The following CNTN1 variants were observed in gnomAD, a reference collection of about 807,000 sequenced individuals.
The protein encoded by CNTN1 is contactin-1.
In CNTN1, 38 loss-of-function variants were observed where a neutral mutation model predicts 126.4. That is an observed-to-expected ratio of 0.30 (90% CI 0.23 to 0.39). The LOEUF (loss-of-function observed/expected upper bound fraction) is 0.39, where lower values mean the gene tolerates loss of function less well. Ranked by LOEUF, CNTN1 falls within the 10% of genes least tolerant of loss-of-function variation. The pLI is 1.00. For missense variants in CNTN1, 1,009 were observed against 1,248.4 expected, an observed-to-expected ratio of 0.81 and a Z score of 2.89; for synonymous variants, 413 against 422.6, an observed-to-expected ratio of 0.98 and a Z score of 0.28.
At position 40,916,322 on chromosome 12, in the gene CNTN1, G is replaced by T. The variant is rs114616804; in HGVS notation, c.95-2317G>T. Among the ~76,000 whole-genome samples the T allele has an allele frequency of 9.3e-3, 1,413 of 152,130 alleles. 18 individuals are homozygous for T. Among genetic ancestry groups the T allele is most frequent in the African/African-American group, 0.031 (1,285 of 41,528 alleles). On this transcript the variant is annotated intron_variant, in intron 3 of 23. Coordinates refer to ENST00000551295, the MANE Select transcript of CNTN1 (RefSeq NM_001843.4). ...TTCAAAATGGCAGGTGAACTAAATT[G>T]CTCCAGTCAGAAACCCTGTGCAATT...
chr12:40,787,864 G>A (rs541490243), intron 1 of CNTN1, among the ~76,000 whole-genome samples: 55 of 152,122 alleles, frequency 3.6e-4, no homozygotes, highest in African/African-American at 1.3e-3. Context: ...AAATTTTGCT[G>A]GATGTATAAT....
chr12:40,725,493 A>G (rs1287388286), intron 1 of CNTN1, among the ~76,000 whole-genome samples: 1 of 151,762 alleles, frequency 6.6e-6, no homozygotes, highest in Non-Finnish European at 1.5e-5. Flanking sequence ...TGAGATGTAC[A>G]TAAATCTTTT....
At chr12:40,946,602 C>G (rs1946442621) in intron 14 of CNTN1, among the ~76,000 whole-genome samples, 1 of 151,926 alleles carries the variant, frequency 6.6e-6, no homozygotes, top group South Asian at 2.1e-4. Flanking sequence ...GTTAACAAAA[C>G]CAACATAATT....
At chr12:40,869,749 C>A (rs535335063) in intron 1 of CNTN1, among the ~76,000 whole-genome samples, 1 of 152,192 alleles carries the variant, frequency 6.6e-6, no homozygotes, top group South Asian at 2.1e-4. Flanking sequence ...GCAAACCAAA[C>A]ACAAATGAAC....
intron 22 of CNTN1, 73 bp downstream of exon 22, chr12:41,028,042 CT>C: frequency 2.7e-6 from 3 of 1,125,414 alleles, no homozygotes; most frequent in Non-Finnish European, 4.0e-6. Flanking sequence ...GGTTTCTTTT[CT>C]TTTTTTGAGA....
intron 15 of CNTN1, among the ~76,000 whole-genome samples, chr12:40,976,952 A>T (rs1396053588): frequency 6.6e-6 from 1 of 152,188 alleles, no homozygotes; most frequent in Non-Finnish European, 1.5e-5. Flanking sequence ...TAAACCAAAG[A>T]GTATCTGAGA....
rs558398739 is a variant in CNTN1 at position 40,882,706 on chromosome 12, A to C, written c.-76-25651A>C. On this transcript the variant is annotated intron_variant, in intron 1 of 23. Transcript: ENST00000551295. ...ATAGTAGTCCATCTTCACTAAGCCC[A>C]CCTGGTGTACCTTCTAAGCTTAACA... is the stretch of plus-strand genomic sequence containing the variant. Among the ~76,000 whole-genome samples the C allele has an allele frequency of 1.2e-3, 187 of 151,700 alleles. 1 individual carries two copies. The highest frequency in any genetic ancestry group is 4.3e-3 in the African/African-American group (179 of 41,536).
At chr12:40,920,920 G>A (rs73111365) in intron 4 of CNTN1, among the ~76,000 whole-genome samples, 2,072 of 152,238 alleles carry the variant, frequency 0.014, 46 homozygotes, top group African/African-American at 0.047. Flanking sequence ...TCCATGTGGA[G>A]GAAGGTAAGA....
At chr12:40,892,932 T>C (rs982505575) in intron 1 of CNTN1, among the ~76,000 whole-genome samples, 1 of 125,132 alleles carries the variant, frequency 8.0e-6, no homozygotes, top group Non-Finnish European at 1.6e-5. Context: ...TCAAAACAAA[T>C]GGAACTCAAG....
chr12:40,978,582 A>G (rs983428285), intron 15 of CNTN1, among the ~76,000 whole-genome samples: 5 of 152,178 alleles, frequency 3.3e-5, no homozygotes, highest in Admixed American at 6.6e-5. Context: ...CATAAGCCAG[A>G]CATGTATCCG....
At chr12:40,982,938 G>A (rs984803120) in intron 16 of CNTN1, among the ~76,000 whole-genome samples, 8 of 128,448 alleles carry the variant, frequency 6.2e-5, no homozygotes, top group African/African-American at 2.4e-4. Context: ...ACCGGGGCCT[G>A]TCTTGGGGTG....
intron 12 of CNTN1, among the ~76,000 whole-genome samples, chr12:40,942,496 T>C (rs1272601303): frequency 6.6e-6 from 1 of 152,146 alleles, no homozygotes; most frequent in African/African-American, 2.4e-5. Context: ...GTTTGCTGTC[T>C]TCCAGGAGCA....
chr12:40,890,194 A>G (rs1944191734), intron 1 of CNTN1, among the ~76,000 whole-genome samples: 1 of 152,070 alleles, frequency 6.6e-6, no homozygotes, highest in South Asian at 2.1e-4. Context: ...TTTTTAATAG[A>G]CTTTAAGAGT....
At chr12:40,696,442 G>T (rs1941454781) in intron 1 of CNTN1, among the ~76,000 whole-genome samples, 2 of 152,150 alleles carry the variant, frequency 1.3e-5, no homozygotes, top group African/African-American at 4.8e-5. Context: ...AGTCCAGTAG[G>T]CAAGTTATCA....
intron 1 of CNTN1, among the ~76,000 whole-genome samples, chr12:40,744,480 A>G (rs73110870): frequency 0.012 from 1,831 of 152,164 alleles, 24 homozygotes; most frequent in African/African-American, 0.041. Flanking sequence ...GAGGTTTTCT[A>G]GCATGGTAGC....
intron 15 of CNTN1, among the ~76,000 whole-genome samples, chr12:40,959,875 T>TAGCACCCAAGAAG (rs1443109388): frequency 2.0e-5 from 3 of 152,084 alleles, no homozygotes; most frequent in African/African-American, 7.2e-5. Context: ...CCCTTTAGTT[T>TAGCACCCAAGAAG]TGCACCCAAG....
chr12:40,923,854 G>T (rs1360121608), intron 5 of CNTN1, among the ~76,000 whole-genome samples: 1 of 152,082 alleles, frequency 6.6e-6, no homozygotes, highest in Non-Finnish European at 1.5e-5. Flanking sequence ...TTTATACTGA[G>T]AAAAGTAACA....
chr12:40,942,500 A>T (rs1178167491), intron 12 of CNTN1, among the ~76,000 whole-genome samples: 1 of 152,128 alleles, frequency 6.6e-6, no homozygotes, highest in Non-Finnish European at 1.5e-5. Flanking sequence ...GCTGTCTTCC[A>T]GGAGCAGGCC....
intron 3 of CNTN1, among the ~76,000 whole-genome samples, chr12:40,911,363 A>G (rs1945026776): frequency 6.6e-6 from 1 of 152,180 alleles, no homozygotes; most frequent in African/African-American, 2.4e-5. Flanking sequence ...TACAGGCGTG[A>G]GCCACCGTGC....
Sources: allele counts gnomAD v4.1 joint callset (sites outside exome capture counted in the v4.1 genomes callset), GRCh38; gene constraint gnomAD v4.1.1; transcripts MANE v1.5; gene names NCBI Gene and HGNC (gene_info 2026-07-23, HGNC 2026-07-21).